The following CYB5RL variants were observed in gnomAD, a reference collection of about 807,000 sequenced individuals.
The protein encoded by CYB5RL is NADH-cytochrome b5 reductase-like.
Under a neutral mutation model 37.5 loss-of-function variants are expected in CYB5RL, and 38 were observed. The ratio of observed to expected loss-of-function variants is 1.01; its 90% CI spans 0.78 to 1.33. The LOEUF is 1.33. Among genes scored for constraint, CYB5RL ranks in the 40% most tolerant of loss-of-function variants. CYB5RL has a pLI of 0.00. For synonymous variants in CYB5RL, 141 were observed against 151.9 expected (o/e 0.93, Z 0.53); for missense variants, 388 against 394.4 (o/e 0.98, Z 0.14).
intron 1 of CYB5RL, among the ~76,000 whole-genome samples, chr1:54,197,720 T>A (rs1031241225): frequency 2.0e-5 from 3 of 151,992 alleles, no homozygotes; most frequent in African/African-American, 7.3e-5. Context: ...TTTCCTAAAT[T>A]TAAGAATCTC....
chr1:54,189,102 G>A (rs1027393948), intron 4 of CYB5RL, among the ~76,000 whole-genome samples: 1 of 152,170 alleles, frequency 6.6e-6, no homozygotes, highest in African/African-American at 2.4e-5. Context: ...AGAATCACTT[G>A]AACCTGGGAG....
At chr1:54,178,554 G>C (rs374992288) in intron 7 of CYB5RL, among the ~76,000 whole-genome samples, 2 of 152,214 alleles carry the variant, frequency 1.3e-5, no homozygotes, top group East Asian at 3.9e-4. Context: ...GGGAGGAGGG[G>C]TCAGCAGGGA....
rs1036477051 is a variant in CYB5RL, at chr1:54,173,013, TAAACA to T, written c.*1601_*1605del. 3 of 152,174 alleles carry T rather than the reference TAAACA, an allele frequency of 2.0e-5. No individual in the cohort carries two copies. The highest frequency in any genetic ancestry group is 7.2e-5 in the African/African-American group (3 of 41,416). The allele number at this position is 152,174 out of a possible 1,614,324, so 9.4% of individuals were successfully genotyped here. Reference sequence around the variant, plus strand: ...TAAATAAGCTTGAAAAACTCTGGATTAAACAAAATGAAAGGAGTTTCTTTGCCACT... The same window carrying T: ...TAAATAAGCTTGAAAAACTCTGGATTAAATGAAAGGAGTTTCTTTGCCACT... On this transcript the variant is annotated 3_prime_UTR_variant, in exon 8 of 8. Transcript: ENST00000534324.
Position 54,190,803 on chromosome 1 carries a change from C to G in CYB5RL, c.292G>C (p.Ala98Pro). The G allele has an allele frequency of 6.3e-7, 1 of 1,578,124 alleles. No individual in the cohort carries two copies. The highest frequency in any genetic ancestry group is 2.3e-5 in the East Asian group (1 of 42,898). ...CCAAGCTGGCTGTTCCCGGGTAGAGCAAACCGGACACGGTAGGTGTCCTTA... is the reference window on the plus strand; with the variant it reads ...CCAAGCTGGCTGTTCCCGGGTAGAGGAAACCGGACACGGTAGGTGTCCTTA... The part of the protein sequence containing the change: ...LTKDTYRVRF[A>P]LPGNSQLGLR... The change falls in exon 4 of 8, where the codon GCT becomes CCT. Residue 98 changes from alanine (A) to proline (P), a missense_variant. By Grantham distance (27) the Ala-to-Pro change is conservative (BLOSUM62 -1). Coordinates refer to ENST00000534324, the MANE Select transcript of CYB5RL (RefSeq NM_001031672.4).
At chr1:54,181,470 C>T (rs1191529961) in intron 6 of CYB5RL, among the ~76,000 whole-genome samples, 1 of 152,230 alleles carries the variant, frequency 6.6e-6, no homozygotes, top group African/African-American at 2.4e-5. Context: ...GTCTTCAGGG[C>T]TGATGTAATA....
At chr1:54,189,136 T>C (rs1227853179) in intron 4 of CYB5RL, among the ~76,000 whole-genome samples, 1 of 152,086 alleles carries the variant, frequency 6.6e-6, no homozygotes, top group South Asian at 2.1e-4. Flanking sequence ...TGAGCTGAGA[T>C]CATGCCACTG....
chr1:54,179,475 A>G, intron 6 of CYB5RL, 123 bp from the exon 7 acceptor site: 2 of 930,864 alleles, frequency 2.1e-6, no homozygotes, highest in Non-Finnish European at 3.2e-6. Flanking sequence ...TTGGTGTCCA[A>G]CCACCTATGT....
At position 54,171,722 on chromosome 1, in the gene CYB5RL, C is replaced by T. The variant is rs529213580; in HGVS notation, c.*2897G>A. On this transcript the variant is annotated 3_prime_UTR_variant, in exon 8 of 8. Coordinates refer to ENST00000534324, the MANE Select transcript of CYB5RL (RefSeq NM_001031672.4). ...CTACTACAACATCACACGGTGGCCA[C>T]GCCTCCCACAACACGCAGTGGGCAT... 9.1e-6 allele frequency: 3 copies of T among 329,718 alleles called. No individual in the cohort carries two copies. The highest frequency in any genetic ancestry group is 3.8e-5 in the Admixed American group (1 of 26,072). The allele number at this position is 329,718 out of a possible 1,614,324, so 20.4% of individuals were successfully genotyped here.
At position 54,190,808 on chromosome 1, in the gene CYB5RL, C is replaced by A. The variant is rs763991187; in HGVS notation, c.287G>T (p.Arg96Leu). 1.1e-5 allele frequency: 17 copies of A among 1,583,056 alleles called. No individual in the cohort carries two copies. In the South Asian group the frequency reaches 1.7e-4, roughly 16 times the overall value. The change falls in exon 4 of 8, where the codon CGG becomes CTG. Residue 96 changes from arginine to leucine, a missense_variant. Transcript: ENST00000534324. ...DRLTKDTYRVRFALPGNSQLG... is the reference protein window; with the variant it reads ...DRLTKDTYRVLFALPGNSQLG... ...CTGGCTGTTCCCGGGTAGAGCAAACCGGACACGGTAGGTGTCCTTAGTGAG... is the reference window on the plus strand; with the variant it reads ...CTGGCTGTTCCCGGGTAGAGCAAACAGGACACGGTAGGTGTCCTTAGTGAG...
Position 54,171,296 on chromosome 1 carries a change from C to A in CYB5RL, c.*3323G>T, listed in dbSNP as rs1389239501. On this transcript the variant is annotated 3_prime_UTR_variant, in exon 8 of 8. Coordinates refer to ENST00000534324, the MANE Select transcript of CYB5RL (RefSeq NM_001031672.4). Reference sequence around the variant, plus strand: ...AGCCTGAGAGGTGGGTGTGAGTGGGCGGTGGCATACAAAAAGTCTGGAGAG... The same window carrying A: ...AGCCTGAGAGGTGGGTGTGAGTGGGAGGTGGCATACAAAAAGTCTGGAGAG... 2.2e-6 allele frequency: 1 copy of A among 456,232 alleles called. No homozygotes were observed. Among genetic ancestry groups the A allele is most frequent in the Non-Finnish European group, 4.4e-6 (1 of 226,796 alleles). The allele number at this position is 456,232 out of a possible 1,614,324, so 28.3% of individuals were successfully genotyped here.
rs1310382172 is a variant in CYB5RL at position 54,170,095 on chromosome 1, G to A, written c.*4524C>T. On this transcript the variant is annotated 3_prime_UTR_variant, in exon 8 of 8. Coordinates refer to ENST00000534324, the MANE Select transcript of CYB5RL (RefSeq NM_001031672.4). Reference sequence around the variant, plus strand: ...TTAATTCCTTGCTATTTCAGAGAATGCAGCAATAAAAATCTTTTTTTGGGG... The same window carrying A: ...TTAATTCCTTGCTATTTCAGAGAATACAGCAATAAAAATCTTTTTTTGGGG... 1 of 152,220 alleles carries A rather than the reference G, an allele frequency of 6.6e-6. No individual in the cohort carries two copies. Among genetic ancestry groups the A allele is most frequent in the African/African-American group, 2.4e-5 (1 of 41,460 alleles). The allele number at this position is 152,220 out of a possible 1,614,324, so 9.4% of individuals were successfully genotyped here.
rs188402291 is a variant in CYB5RL, at chr1:54,184,282, G to A, written c.436-17C>T. On this transcript the variant is annotated splice_polypyrimidine_tract_variant and intron_variant, in intron 5 of 7. Coordinates refer to ENST00000534324, the MANE Select transcript of CYB5RL (RefSeq NM_001031672.4). ...CTGGTAGCACTGGAAGCAAACACAG[G>A]GAGACGTCAGCGGGACAGGTACATG... 7.2e-4 allele frequency: 1,152 copies of A among 1,608,528 alleles called. 6 individuals carry two copies. In the African/African-American group the frequency reaches 0.014, roughly 19 times the overall value.
chr1:54,187,878 C>T (rs1159168969), intron 4 of CYB5RL, 139 bp from the exon 5 acceptor site: 1 of 664,048 alleles, frequency 1.5e-6, no homozygotes, highest in Admixed American at 2.6e-5. Context: ...GAGTTTGAGA[C>T]CAGCCTGGAC....
chr1:54,183,701 C>G (rs901401571), intron 6 of CYB5RL, among the ~76,000 whole-genome samples: 3 of 152,126 alleles, frequency 2.0e-5, no homozygotes, highest in Non-Finnish European at 4.4e-5. Flanking sequence ...TCTGGCTGGG[C>G]GCGGTGGCTC....
At chr1:54,193,130 C>A (rs1442695254) in intron 3 of CYB5RL, among the ~76,000 whole-genome samples, 1 of 152,236 alleles carries the variant, frequency 6.6e-6, no homozygotes, top group Non-Finnish European at 1.5e-5. Flanking sequence ...ATCTTTATTA[C>A]CAACCTCCTT....
chr1:54,189,179 T>A (rs1643927644), intron 4 of CYB5RL, among the ~76,000 whole-genome samples: 1 of 133,914 alleles, frequency 7.5e-6, no homozygotes, highest in Admixed American at 7.9e-5. Context: ...TGAGACTCTG[T>A]CTCAAAAAAT....
At chr1:54,195,268 T>C in intron 3 of CYB5RL, 151 bp downstream of exon 3, 1 of 920,262 alleles carries the variant, frequency 1.1e-6, no homozygotes, top group Non-Finnish European at 1.5e-6. Context: ...GCTTCAGGGC[T>C]GGGCTTTGAG....
At chr1:54,178,171 G>C (rs916442472) in intron 7 of CYB5RL, among the ~76,000 whole-genome samples, 1 of 152,196 alleles carries the variant, frequency 6.6e-6, no homozygotes, top group African/African-American at 2.4e-5. Context: ...CCCCTGGGGA[G>C]CCCAGGGACC....
Position 54,171,439 on chromosome 1 carries a change from G to C in CYB5RL, c.*3180C>G, listed in dbSNP as rs1659889711. ...AAAACTGGTCTGGTCTCAGCGTGGAGGTGGCATGGAGACTGGGAGCTGGGA... is the reference window on the plus strand; with the variant it reads ...AAAACTGGTCTGGTCTCAGCGTGGACGTGGCATGGAGACTGGGAGCTGGGA... On this transcript the variant is annotated 3_prime_UTR_variant, in exon 8 of 8. Coordinates refer to ENST00000534324, the MANE Select transcript of CYB5RL (RefSeq NM_001031672.4). 1 of 456,146 alleles carries C rather than the reference G, an allele frequency of 2.2e-6. No homozygotes were observed. The highest frequency in any genetic ancestry group is 2.0e-5 in the African/African-American group (1 of 50,032). The allele number at this position is 456,146 out of a possible 1,614,324, so 28.3% of individuals were successfully genotyped here.
Sources: gnomAD v4.1 joint callset for allele counts (sites outside exome capture counted in the v4.1 genomes callset) on GRCh38, gnomAD v4.1.1 for gene constraint, MANE v1.5 for transcripts, NCBI Gene and HGNC (gene_info 2026-07-23, HGNC 2026-07-21) for gene names.